MGAT3: variants seen among roughly 807,000 people sequenced by gnomAD.
MGAT3 encodes the protein beta-1,4-mannosyl-glycoprotein 4-beta-N-acetylglucosaminyltransferase.
MGAT3 carries 9 observed loss-of-function variants against 29.8 expected under a neutral mutation model. That is an observed-to-expected ratio of 0.30 (90% CI 0.18 to 0.53). The LOEUF is 0.53. Among genes scored for constraint, MGAT3 ranks in the 20% least tolerant of loss-of-function variants. The pLI is 0.96. For synonymous variants in MGAT3, 397 were observed against 348.9 expected (o/e 1.14, Z -1.54); for missense variants, 557 against 769.5 (o/e 0.72, Z 3.27).
At position 39,487,197 on chromosome 22, in the gene MGAT3, CTT is replaced by C. The variant is rs577485351; in HGVS notation, c.-1-149_-1-148del. On this transcript the variant is annotated intron_variant, in intron 1 of 1. Transcript: ENST00000341184. The surrounding 1 kb of genome is among the most constrained non-coding windows in gnomAD (Gnocchi z 5.7). ...GGGGCCTTGGTACCGCGAGTTGACT[CTT>C]GGGGGCAGGAGGTCACTCCATGCAG... 2.1e-5 allele frequency: 17 copies of C among 822,376 alleles called. No individual in the cohort carries two copies. The East Asian group carries it at 3.9e-4, about 19-fold the overall frequency. 50.9% of individuals were successfully genotyped at this position (822,376 alleles called of 1,614,324 possible). A position where few individuals can be genotyped will look rare whatever the true frequency, so the allele number is the denominator to read the frequency against.
At chr22:39,475,265 T>C (rs1400278196) in intron 1 of MGAT3, among the ~76,000 whole-genome samples, 1 of 151,912 alleles carries the variant, frequency 6.6e-6, no homozygotes, top group Non-Finnish European at 1.5e-5. Context: ...TGGGCTTTGT[T>C]TTCTCTCCCC....
rs568464465 is a variant in MGAT3, at chr22:39,474,662, C to T, written c.-1-12685C>T. 3.3e-5 allele frequency among the ~76,000 whole-genome samples: 5 copies of T among 152,318 alleles called. No homozygotes were observed. In the East Asian group the frequency reaches 5.8e-4, roughly 18 times the overall value. ...TGGCCCTGCAGAGGGGACCCTTTTCCTCTCCCTGAGAGATAAAGAGCCCTG... is the reference window on the plus strand; with the variant it reads ...TGGCCCTGCAGAGGGGACCCTTTTCTTCTCCCTGAGAGATAAAGAGCCCTG... On this transcript the variant is annotated intron_variant, in intron 1 of 1. Transcript: ENST00000341184.
chr22:39,463,368 C>A (rs1192026886), intron 1 of MGAT3, among the ~76,000 whole-genome samples: 1 of 152,174 alleles, frequency 6.6e-6, no homozygotes, highest in African/African-American at 2.4e-5. Context: ...CCTCGGTCAC[C>A]CAGACCTGTT....
In MGAT3 at chr22:39,488,912, C is replaced by T. The variant is rs776173478; in HGVS notation, c.1565C>T (p.Pro522Leu). 8.1e-6 allele frequency: 13 copies of T among 1,604,032 alleles called. No individual in the cohort carries two copies. The highest frequency in any genetic ancestry group is 1.7e-4 in the Middle Eastern group (1 of 5,972). ...GWRHRGPEGR[P>L]PARGKLDEAE... ...CGCCACAGGGGTCCCGAGGGAAGGCCGCCCGCCCGGGGCAAACTGGACGAG... is the reference window on the plus strand; with the variant it reads ...CGCCACAGGGGTCCCGAGGGAAGGCTGCCCGCCCGGGGCAAACTGGACGAG... The change falls in exon 2 of 2, where the codon CCG becomes CTG. Residue 522 changes from proline to leucine, a missense_variant. Pro to Leu is a moderately conservative substitution (Grantham distance 98, BLOSUM62 -3). This residue lies in a region of MGAT3 where 102 missense variants were observed against 97.0 expected (regional missense o/e 1.05). Transcript: ENST00000341184.
rs118141526 is a variant in MGAT3, at chr22:39,464,196, A to T, written c.-2+6639A>T. The stretch of plus-strand genomic sequence containing the variant: ...CCTGGAAGCAAGTCCCAGGCAGGGC[A>T]TGATGCCCAGAGCTTGCCTAATGCA... On this transcript the variant is annotated intron_variant, in intron 1 of 1. Coordinates refer to ENST00000341184, the MANE Select transcript of MGAT3 (RefSeq NM_002409.5). Among the ~76,000 whole-genome samples, 246 of 152,278 alleles carry T rather than the reference A, an allele frequency of 1.6e-3. 5 individuals are homozygous for T. In the East Asian group the frequency reaches 0.043, roughly 27 times the overall value.
chr22:39,475,836 G>A (rs1928943013), intron 1 of MGAT3: 1 of 152,266 alleles, frequency 6.6e-6, no homozygotes, highest in South Asian at 2.1e-4. Flanking sequence ...AATTAAGCTG[G>A]GTATGGTGGT....
intron 1 of MGAT3, among the ~76,000 whole-genome samples, chr22:39,471,399 T>C (rs1928805685): frequency 6.6e-6 from 1 of 152,148 alleles, no homozygotes; most frequent in South Asian, 2.1e-4. Context: ...GGCCTATTGA[T>C]GAATTAGAAG....
intron 1 of MGAT3, among the ~76,000 whole-genome samples, chr22:39,468,532 G>C (rs997508384): frequency 2.6e-5 from 4 of 152,222 alleles, no homozygotes; most frequent in Non-Finnish European, 5.9e-5. Context: ...CCATTGGAAG[G>C]GGCCCTTAGG....
intron 1 of MGAT3, among the ~76,000 whole-genome samples, chr22:39,465,895 G>A (rs1290137673): frequency 6.7e-6 from 1 of 150,026 alleles, no homozygotes. Flanking sequence ...TTGTGCCACT[G>A]CACTCCAACC....
Position 39,457,308 on chromosome 22 carries a change from C to G in MGAT3, c.-251C>G, listed in dbSNP as rs7286488. 1.4e-5 allele frequency: 2 copies of G among 141,822 alleles called. No homozygotes were observed. The highest frequency in any genetic ancestry group is 3.1e-5 in the Non-Finnish European group (2 of 64,110). The allele number at this position is 141,822 out of a possible 1,614,324, so 8.8% of individuals were successfully genotyped here. A position where few individuals can be genotyped will look rare whatever the true frequency, so the allele number is the denominator to read the frequency against. ...GCTCGCCGGGCCCCCGCCGCCGCCC[C>G]GGGGTGCAGCCGAGCGGCCGCGCCG... On this transcript the variant is annotated 5_prime_UTR_variant, in exon 1 of 2. Transcript: ENST00000341184. This position sits in a 1 kb window ranked among gnomAD's most constrained non-coding sequence, Gnocchi z 6.8.
At chr22:39,464,940 A>G (rs766344175) in intron 1 of MGAT3, among the ~76,000 whole-genome samples, 1 of 151,540 alleles carries the variant, frequency 6.6e-6, no homozygotes, top group Non-Finnish European at 1.5e-5. Flanking sequence ...TATTTTTAGT[A>G]GAGACGGGGT....
chr22:39,471,028 A>G (rs1928794883), intron 1 of MGAT3, among the ~76,000 whole-genome samples: 1 of 152,118 alleles, frequency 6.6e-6, no homozygotes, highest in Non-Finnish European at 1.5e-5. Context: ...CACTCAGCCC[A>G]GCCCCCTCCT....
At chr22:39,460,764 TCCAG>T (rs901849963) in intron 1 of MGAT3, among the ~76,000 whole-genome samples, 5 of 152,144 alleles carry the variant, frequency 3.3e-5, no homozygotes, top group African/African-American at 9.7e-5. Flanking sequence ...GCCACTGCAC[TCCAG>T]CCTGGGCAAC....
chr22:39,487,788 G>A lies in MGAT3; in HGVS notation c.441G>A (p.Arg147=). The A allele has an allele frequency of 6.7e-7, 1 of 1,490,748 alleles. No homozygotes were observed. Among genetic ancestry groups the A allele is most frequent in the Non-Finnish European group, 8.9e-7 (1 of 1,123,196 alleles). 92.3% of individuals were successfully genotyped at this position (1,490,748 alleles called of 1,614,324 possible). ...PEGANGSSAR[R]PPRYLLSARE... ...GGGCCAACGGCTCCTCGGCCCGGCG[G>A]CCACCCCGGTACCTCCTGAGCGCCC... The change falls in exon 2 of 2, where the codon CGG becomes CGA. Residue 147 remains arginine, a synonymous_variant. Coordinates refer to ENST00000341184, the MANE Select transcript of MGAT3 (RefSeq NM_002409.5). The surrounding 1 kb of genome is among the most constrained non-coding windows in gnomAD (Gnocchi z 5.7).
At chr22:39,464,377 C>T (rs868819212) in intron 1 of MGAT3, among the ~76,000 whole-genome samples, 1 of 151,658 alleles carries the variant, frequency 6.6e-6, no homozygotes, top group Admixed American at 6.6e-5. Context: ...CCCGGGCTGG[C>T]ACCGGGCATG....
At chr22:39,468,303 G>A (rs1316940525) in intron 1 of MGAT3, among the ~76,000 whole-genome samples, 1 of 152,188 alleles carries the variant, frequency 6.6e-6, no homozygotes, top group Non-Finnish European at 1.5e-5. Flanking sequence ...AGGTCCCCAC[G>A]GTGGCAGAGC....
At chr22:39,462,610 G>A (rs1231701844) in intron 1 of MGAT3, among the ~76,000 whole-genome samples, 4 of 152,216 alleles carry the variant, frequency 2.6e-5, no homozygotes, top group Admixed American at 6.5e-5. Context: ...GAGGCTTCGG[G>A]AAGGGGCGGA....
intron 1 of MGAT3, among the ~76,000 whole-genome samples, chr22:39,468,547 A>G (rs919919045): frequency 6.6e-6 from 1 of 152,168 alleles, no homozygotes; most frequent in Non-Finnish European, 1.5e-5. Flanking sequence ...CTTAGGATTC[A>G]CGTAGCTAAG....
rs1929314684 is a variant in MGAT3 at position 39,487,605 on chromosome 22, C to T, written c.258C>T (p.Pro86=). ...CGCCCCTGCTGCAGCCGCTGCCGCC[C>T]AGCAAGGCGGCCGAGGAGCTCCACC... ...SHSPLLQPLP[P]SKAAEELHRV... is the part of the protein sequence containing the mutation. Residue 86 remains proline, a synonymous_variant, in exon 2 of 2, where the codon CCC becomes CCT. Transcript: ENST00000341184. The surrounding 1 kb of genome is among the most constrained non-coding windows in gnomAD (Gnocchi z 5.7). 1 of 1,611,618 alleles carries T rather than the reference C, an allele frequency of 6.2e-7. No individual in the cohort carries two copies. Among genetic ancestry groups the T allele is most frequent in the Non-Finnish European group, 8.5e-7 (1 of 1,179,302 alleles).
Sources: gnomAD v4.1 joint callset for allele counts (sites outside exome capture counted in the v4.1 genomes callset) on GRCh38, gnomAD v4.1.1 for gene constraint, gnomAD v4.1.1 regional missense constraint, Gnocchi (gnomAD v3.1) non-coding constraint, MANE v1.5 for transcripts, NCBI Gene and HGNC (gene_info 2026-07-23, HGNC 2026-07-21) for gene names.